Variants in VWDE observed in about 807,000 individuals in gnomAD.
VWDE encodes the protein von Willebrand factor D and EGF domain-containing protein.
Under a neutral mutation model 178.4 loss-of-function variants are expected in VWDE, and 207 were observed. The observed-to-expected ratio is 1.16, with a 90% CI of 1.04 to 1.30. The LOEUF is 1.30. Among genes scored for constraint, VWDE ranks in the 50% most tolerant of loss-of-function variants. VWDE has a pLI of 0.00. For missense variants in VWDE, 2,287 were observed against 1,901.3 expected, an observed-to-expected ratio of 1.20 and a Z score of -3.77; for synonymous variants, 738 against 651.4, an observed-to-expected ratio of 1.13 and a Z score of -2.02.
At chr7:12,391,355 T>A (rs74297223) in intron 2 of VWDE, among the ~76,000 whole-genome samples, 11,727 of 152,184 alleles carry the variant, frequency 0.077, 951 homozygotes, top group African/African-American at 0.2. Flanking sequence ...GATTTTCTGG[T>A]TGAATACTTT....
At chr7:12,359,825 C>A in intron 15 of VWDE, 133 bp from the exon 16 acceptor site, 1 of 542,418 alleles carries the variant, frequency 1.8e-6, no homozygotes. Context: ...ACTTCATAAT[C>A]GTAAGTGCAT....
In VWDE at chr7:12,381,831, G is replaced by A. The variant is rs142616328; in HGVS notation, c.542-1098C>T. On this transcript the variant is annotated intron_variant, in intron 4 of 28. Transcript: ENST00000275358. Reference sequence around the variant, plus strand: ...TTTAAAACAGGGAAAAGCTATCTATGGAAATGATTATTAAGAATAAGAGAA... The same window carrying A: ...TTTAAAACAGGGAAAAGCTATCTATAGAAATGATTATTAAGAATAAGAGAA... Among the ~76,000 whole-genome samples the A allele has an allele frequency of 1.9e-3, 282 of 151,614 alleles. 1 individual carries two copies. Among genetic ancestry groups the A allele is most frequent in the African/African-American group, 6.6e-3 (274 of 41,414 alleles).
chr7:12,348,915 T>C (rs1037625299), intron 19 of VWDE, among the ~76,000 whole-genome samples: 13 of 152,104 alleles, frequency 8.5e-5, no homozygotes, highest in East Asian at 3.9e-4. Flanking sequence ...GATGAGTTCA[T>C]GTCCTTTGTA....
intron 1 of VWDE, among the ~76,000 whole-genome samples, chr7:12,401,193 CTT>C (rs1222141077): frequency 1.3e-5 from 2 of 152,078 alleles, no homozygotes; most frequent in Non-Finnish European, 2.9e-5. Flanking sequence ...CCACATTGTA[CTT>C]TAGAATAGCT....
At chr7:12,363,553 G>GA (rs986771758) in intron 13 of VWDE, among the ~76,000 whole-genome samples, 3 of 151,822 alleles carry the variant, frequency 2.0e-5, no homozygotes, top group African/African-American at 4.8e-5. Flanking sequence ...TACAAAAGTA[G>GA]AAAAAAGCAT....
rs61737650 is a variant in VWDE, at chr7:12,356,286, T to G, written c.3570A>C (p.Val1190=). 4 of 1,551,474 alleles carry G rather than the reference T, an allele frequency of 2.6e-6. No individual in the cohort carries two copies. Among genetic ancestry groups the G allele is most frequent in the Non-Finnish European group, 3.5e-6 (4 of 1,146,972 alleles). ...TCCCTGGAGAAAAGTTCCTATCAGA[T>G]ACACATGATCCACCATTCAAGCAAT... is the stretch of plus-strand genomic sequence containing the variant. ...SCDCLNGGSC[V]SDRNFSPGSG... The change falls in exon 18 of 29, where the codon GTA becomes GTC. Residue 1190 remains valine, a synonymous_variant. Transcript: ENST00000275358.
rs976701923 is a variant in VWDE at position 12,383,614 on chromosome 7, A to C, written c.476-13T>G. The C allele has an allele frequency of 5.2e-6, 8 of 1,549,208 alleles. No individual in the cohort carries two copies. The African/African-American group carries it at 1.1e-4, about 21-fold the overall frequency. On this transcript the variant is annotated splice_polypyrimidine_tract_variant and intron_variant, in intron 3 of 28. Transcript: ENST00000275358. ...GCATCAGAAATAGCTGCCAAGGGTT[A>C]AGGTTTGTATAATTATTCAGCTGGG...
chr7:12,390,266 G>A (rs1259828612), intron 2 of VWDE, among the ~76,000 whole-genome samples: 1 of 151,862 alleles, frequency 6.6e-6, no homozygotes, highest in Admixed American at 6.6e-5. Flanking sequence ...AAATAACCCA[G>A]GAAAAATAAG....
intron 3 of VWDE, among the ~76,000 whole-genome samples, chr7:12,384,760 C>T (rs1046178448): frequency 6.6e-6 from 1 of 152,086 alleles, no homozygotes; most frequent in African/African-American, 2.4e-5. Context: ...GATGGTAATA[C>T]TTAACAACCC....
At chr7:12,360,936 A>G (rs2128553162) in intron 15 of VWDE, among the ~76,000 whole-genome samples, 1 of 152,272 alleles carries the variant, frequency 6.6e-6, no homozygotes, top group East Asian at 1.9e-4. Context: ...AATTTTTTAG[A>G]AGTAATCTGC....
intron 1 of VWDE, among the ~76,000 whole-genome samples, chr7:12,401,961 TA>T (rs1211276764): frequency 1.3e-5 from 2 of 152,196 alleles, no homozygotes; most frequent in African/African-American, 4.8e-5. Context: ...TATTCTATCT[TA>T]AAAAGGAATG....
intron 24 of VWDE, 132 bp downstream of exon 24, chr7:12,340,190 C>G (rs2128546006): frequency 1.5e-6 from 1 of 677,744 alleles, no homozygotes; most frequent in East Asian, 2.8e-5. Context: ...GGTGGGCATA[C>G]TTGAAACATC....
rs1785032289 is a variant in VWDE at position 12,403,782 on chromosome 7, G to A, written c.-66C>T. On this transcript the variant is annotated 5_prime_UTR_variant, in exon 1 of 29. Coordinates refer to ENST00000275358, the MANE Select transcript of VWDE (RefSeq NM_001135924.3). ...GGGCCGCGGGTGCCAGGAGGATGGGGCCACAGCAGCCCCTCGGGCCTCCTT... is the reference window on the plus strand; with the variant it reads ...GGGCCGCGGGTGCCAGGAGGATGGGACCACAGCAGCCCCTCGGGCCTCCTT... 2.0e-6 allele frequency: 3 copies of A among 1,495,692 alleles called. No individual in the cohort carries two copies. The highest frequency in any genetic ancestry group is 2.7e-6 in the Non-Finnish European group (3 of 1,098,986). The allele number at this position is 1,495,692 out of a possible 1,614,324, so 92.7% of individuals were successfully genotyped here.
chr7:12,398,998 G>A (rs557858649), intron 1 of VWDE, among the ~76,000 whole-genome samples: 15 of 151,942 alleles, frequency 9.9e-5, no homozygotes, highest in Admixed American at 2.0e-4. Flanking sequence ...AGCATCATGC[G>A]ATGTACCTTT....
rs1465943923 is a variant in VWDE at position 12,344,467 on chromosome 7, T to C, written c.3889A>G (p.Ile1297Val). 1.3e-6 allele frequency: 2 copies of C among 1,546,010 alleles called. No homozygotes were observed. Among genetic ancestry groups the C allele is most frequent in the Admixed American group, 2.0e-5 (1 of 49,922 alleles). Residue 1297 changes from isoleucine (I) to valine (V), a missense_variant and splice_region_variant, in exon 20 of 29, where the codon ATT becomes GTT. Ile to Val is a conservative substitution (Grantham distance 29, BLOSUM62 3). Transcript: ENST00000275358. ...VKPTSGNAFT[I>V]CKYPCGKSRE... Reference sequence around the variant, plus strand: ...CTTTTTCCACATGGATATTTACAAATGGCTAAAAAAAAATCAAAGAAAAAA... The same window carrying C: ...CTTTTTCCACATGGATATTTACAAACGGCTAAAAAAAAATCAAAGAAAAAA...
chr7:12,359,840 G>A, intron 15 of VWDE, 148 bp from the exon 16 acceptor site: 1 of 509,988 alleles, frequency 2.0e-6, no homozygotes. Flanking sequence ...GTGCATATGA[G>A]GAAACAAATT....
chr7:12,397,900 T>A (rs1218096719), intron 1 of VWDE, among the ~76,000 whole-genome samples: 2 of 151,942 alleles, frequency 1.3e-5, no homozygotes, highest in Admixed American at 6.6e-5. Flanking sequence ...TATTAAAAAG[T>A]CAAAAAACAA....
intron 19 of VWDE, among the ~76,000 whole-genome samples, chr7:12,346,794 T>C (rs1440035): frequency 0.019 from 2,835 of 152,200 alleles, 44 homozygotes; most frequent in South Asian, 0.051. Context: ...GGATTTGATT[T>C]TGCACTGTCT....
chr7:12,383,055 C>T (rs978660742), intron 4 of VWDE, among the ~76,000 whole-genome samples: 7 of 151,302 alleles, frequency 4.6e-5, no homozygotes, highest in African/African-American at 1.7e-4. Flanking sequence ...TAATGTACTT[C>T]TATACTTTAA....
Sources: allele counts gnomAD v4.1 joint callset (sites outside exome capture counted in the v4.1 genomes callset), GRCh38; gene constraint gnomAD v4.1.1; transcripts MANE v1.5; gene names NCBI Gene and HGNC (gene_info 2026-07-23, HGNC 2026-07-21).